FMN2: variants seen among roughly 807,000 people sequenced by gnomAD.
FMN2 encodes the protein formin 2, also known as formin-2.
In FMN2, 51 loss-of-function variants were observed where a neutral mutation model predicts 142.3. The observed-to-expected ratio is 0.36, with a 90% CI of 0.29 to 0.45. The LOEUF (loss-of-function observed/expected upper bound fraction) is 0.45. FMN2 is among the 20% of genes least tolerant of loss of function. The pLI is 1.00. For missense variants in FMN2, 1,936 were observed against 2,122.8 expected, an observed-to-expected ratio of 0.91 and a Z score of 1.73; for synonymous variants, 882 against 869.8, an observed-to-expected ratio of 1.01 and a Z score of -0.25.
rs1666363776 is a variant in FMN2, at chr1:240,206,706, T to A, written c.1987-93T>A. 6 of 1,394,754 alleles carry A rather than the reference T, an allele frequency of 4.3e-6. No homozygotes were observed. The African/African-American group carries it at 5.8e-5, about 13-fold the overall frequency. 86.4% of individuals were successfully genotyped at this position (1,394,754 alleles called of 1,614,324 possible). A position where few individuals can be genotyped will look rare whatever the true frequency, so the allele number is the denominator to read the frequency against. On this transcript the variant is annotated intron_variant, in intron 4 of 17. Coordinates refer to ENST00000319653, the MANE Select transcript of FMN2 (RefSeq NM_020066.5). ...CTGTCAAGGAGTCCTTCTGGAAGTA[T>A]GACAACAAACAGATATAATTTTGCT... is the stretch of plus-strand genomic sequence containing the variant.
chr1:240,392,414 A>G, intron 14 of FMN2, 97 bp from the exon 15 acceptor site: 1 of 897,780 alleles, frequency 1.1e-6, no homozygotes, highest in South Asian at 1.7e-5. Context: ...TAGAATTAAT[A>G]ATTAAAATAA....
chr1:240,137,527 G>A (rs943301379), intron 2 of FMN2, among the ~76,000 whole-genome samples: 1 of 152,210 alleles, frequency 6.6e-6, no homozygotes, highest in Non-Finnish European at 1.5e-5. Context: ...TACATAGATA[G>A]TAAATTTATT....
chr1:240,474,940 C>T lies in FMN2; in HGVS notation c.*786C>T, dbSNP rs1426568077. Reference sequence around the variant, plus strand: ...TGTTTGTATTTATGTAAAGTATGGTCTCTTACTTTTTAGTTTGTAGTTTAA... The same window carrying T: ...TGTTTGTATTTATGTAAAGTATGGTTTCTTACTTTTTAGTTTGTAGTTTAA... On this transcript the variant is annotated 3_prime_UTR_variant, in exon 18 of 18. Transcript: ENST00000319653. The T allele has an allele frequency of 6.6e-6, 1 of 152,436 alleles. No individual in the cohort carries two copies. The highest frequency in any genetic ancestry group is 1.5e-5 in the Non-Finnish European group (1 of 68,002). The allele number at this position is 152,436 out of a possible 1,614,324, so 9.4% of individuals were successfully genotyped here.
At chr1:240,317,791 G>A (rs926923051) in intron 8 of FMN2, among the ~76,000 whole-genome samples, 4 of 152,146 alleles carry the variant, frequency 2.6e-5, no homozygotes, top group Non-Finnish European at 5.9e-5. Context: ...TGTGTTACAA[G>A]TTGTGTATAT....
chr1:240,259,982 T>A (rs1017740888), intron 7 of FMN2, among the ~76,000 whole-genome samples: 6 of 152,226 alleles, frequency 3.9e-5, no homozygotes, highest in Non-Finnish European at 8.8e-5. Flanking sequence ...CTCTCACTTA[T>A]GAATGTGAGA....
chr1:240,176,831 G>A (rs138423446), intron 2 of FMN2, among the ~76,000 whole-genome samples: 5 of 152,282 alleles, frequency 3.3e-5, no homozygotes, highest in Non-Finnish European at 7.4e-5. Context: ...CTAACCCCAG[G>A]AATCTGAATT....
At chr1:240,434,409 G>T (rs540212041) in intron 15 of FMN2, among the ~76,000 whole-genome samples, 8 of 151,912 alleles carry the variant, frequency 5.3e-5, no homozygotes, top group African/African-American at 1.9e-4. Flanking sequence ...TTCGTGTTAT[G>T]CAAGTTTGAA....
intron 16 of FMN2, chr1:240,458,916 G>T (rs1214781774): frequency 6.6e-6 from 1 of 152,076 alleles, no homozygotes; most frequent in Non-Finnish European, 1.5e-5. Flanking sequence ...GGACCAAAGG[G>T]CGTATCAAGT....
At chr1:240,468,932 A>G (rs1185738484) in intron 16 of FMN2, among the ~76,000 whole-genome samples, 3 of 152,196 alleles carry the variant, frequency 2.0e-5, no homozygotes, top group African/African-American at 7.2e-5. Context: ...CTCCAGGGAC[A>G]CATTCTTTTT....
At chr1:240,125,296 T>A (rs923969932) in intron 2 of FMN2, among the ~76,000 whole-genome samples, 2 of 152,258 alleles carry the variant, frequency 1.3e-5, no homozygotes, top group Admixed American at 6.5e-5. Flanking sequence ...CTGTGACTTG[T>A]GAAGTTTCCT....
At chr1:240,397,108 C>T (rs1005663687) in intron 15 of FMN2, among the ~76,000 whole-genome samples, 3 of 152,168 alleles carry the variant, frequency 2.0e-5, no homozygotes, top group East Asian at 1.9e-4. Flanking sequence ...TGCACAGCCT[C>T]GCCAACATCT....
chr1:240,144,228 C>A (rs910324561), intron 2 of FMN2: 15 of 1,552,492 alleles, frequency 9.7e-6, no homozygotes, highest in Admixed American at 5.0e-5. Context: ...TAAACAAAAG[C>A]TGCATTCACA....
intron 7 of FMN2, among the ~76,000 whole-genome samples, chr1:240,260,697 G>A (rs1668596085): frequency 6.6e-6 from 1 of 152,194 alleles, no homozygotes; most frequent in East Asian, 1.9e-4. Context: ...CTCCCACTCT[G>A]TGGGTTGTCT....
intron 2 of FMN2, among the ~76,000 whole-genome samples, chr1:240,147,245 G>A (rs539229392): frequency 4.6e-5 from 7 of 152,142 alleles, no homozygotes; most frequent in South Asian, 2.1e-4. Flanking sequence ...GAGACTTAGG[G>A]TAATTTGCCC....
intron 8 of FMN2, among the ~76,000 whole-genome samples, chr1:240,313,376 A>G (rs1558427376): frequency 6.6e-6 from 1 of 152,206 alleles, no homozygotes; most frequent in Non-Finnish European, 1.5e-5. Flanking sequence ...GACACTTAAT[A>G]TAAAGTAGTG....
chr1:240,266,176 C>T (rs1333527294), intron 7 of FMN2, among the ~76,000 whole-genome samples: 1 of 83,694 alleles, frequency 1.2e-5, no homozygotes, highest in Non-Finnish European at 2.4e-5. Flanking sequence ...GTTTTTCAAT[C>T]TTTGTCCCTT....
intron 2 of FMN2, among the ~76,000 whole-genome samples, chr1:240,131,193 C>T (rs147048057): frequency 3.2e-4 from 48 of 152,180 alleles, no homozygotes; most frequent in African/African-American, 5.5e-4. Flanking sequence ...AGTATGGATA[C>T]GAATAAAGCA....
chr1:240,425,024 T>C (rs1411483515), intron 15 of FMN2, among the ~76,000 whole-genome samples: 1 of 152,196 alleles, frequency 6.6e-6, no homozygotes, highest in Non-Finnish European at 1.5e-5. Context: ...GGTTAAATCC[T>C]AGTGGAGGGA....
chr1:240,221,671 C>G lies in FMN2; in HGVS notation c.4065+10436C>G, dbSNP rs188628909. 1.8e-3 allele frequency among the ~76,000 whole-genome samples: 266 copies of G among 151,984 alleles called. 1 individual carries two copies. The highest frequency in any genetic ancestry group is 6.0e-3 in the African/African-American group (249 of 41,446). On this transcript the variant is annotated intron_variant, in intron 6 of 17. Transcript: ENST00000319653. ...ATGGATAGATTGCAAAAATTTTCTC[C>G]CATTCTGTCGGTTGCCTGTTCACTC...
Sources: gnomAD v4.1 joint callset for allele counts (sites outside exome capture counted in the v4.1 genomes callset) on GRCh38, gnomAD v4.1.1 for gene constraint, MANE v1.5 for transcripts, NCBI Gene and HGNC (gene_info 2026-07-23, HGNC 2026-07-21) for gene names.